The following TBC1D2B variants were observed in gnomAD, a reference collection of about 807,000 sequenced individuals.
TBC1D2B encodes TBC1 domain family member 2B, also known as TBC1 domain family, member 2B.
In TBC1D2B, 64 loss-of-function variants were observed where a neutral mutation model predicts 100.8. The ratio of observed to expected loss-of-function variants is 0.64; its 90% CI spans 0.52 to 0.78. TBC1D2B has a LOEUF of 0.78. Ranked by LOEUF, TBC1D2B falls within the 30% of genes least tolerant of loss-of-function variation. The probability of loss-of-function intolerance (pLI) is 0.00; values close to 1 mark genes in which losing one functional copy is unlikely to be tolerated. For synonymous variants in TBC1D2B, 480 were observed against 479.7 expected (o/e 1.00, Z -0.01); for missense variants, 1,052 against 1,218.4 (o/e 0.86, Z 2.03).
chr15:78,046,060 T>C (rs2073189366), intron 2 of TBC1D2B, among the ~76,000 whole-genome samples: 1 of 152,144 alleles, frequency 6.6e-6, no homozygotes, highest in African/African-American at 2.4e-5. Flanking sequence ...GCCTCCCAAG[T>C]AGCTGGGATT....
rs568990803 is a variant in TBC1D2B at position 77,996,310 on chromosome 15, T to C, written c.*1850A>G. 1.3e-5 allele frequency: 2 copies of C among 152,226 alleles called. No homozygotes were observed. The highest frequency in any genetic ancestry group is 6.5e-5 in the Admixed American group (1 of 15,306). The allele number at this position is 152,226 out of a possible 1,614,324, so 9.4% of individuals were successfully genotyped here. A position where few individuals can be genotyped will look rare whatever the true frequency, so the allele number is the denominator to read the frequency against. On this transcript the variant is annotated 3_prime_UTR_variant, in exon 13 of 13. Coordinates refer to ENST00000300584, the MANE Select transcript of TBC1D2B (RefSeq NM_144572.2). ...CAGGACATGGCAGTGTGTGCTGGCA[T>C]GTTCCAGGGGCCATTGGCTCGGAAA...
intron 3 of TBC1D2B, among the ~76,000 whole-genome samples, chr15:78,037,133 G>T (rs562319004): frequency 3.4e-4 from 52 of 152,180 alleles, no homozygotes; most frequent in African/African-American, 1.2e-3. Context: ...CAGCTCCACA[G>T]GTTCCCTACT....
At chr15:78,049,341 TAATA>T (rs1260053830) in intron 2 of TBC1D2B, among the ~76,000 whole-genome samples, 2 of 152,222 alleles carry the variant, frequency 1.3e-5, no homozygotes, top group Non-Finnish European at 2.9e-5. Context: ...AGGAGTGACT[TAATA>T]AATATTGGTT....
chr15:78,017,034 T>C, intron 7 of TBC1D2B: 1 of 269,062 alleles, frequency 3.7e-6, no homozygotes, highest in Non-Finnish European at 7.0e-6. Context: ...CCAGGCTACA[T>C]GCCAATTACT....
Position 78,012,894 on chromosome 15 carries a change from C to T in TBC1D2B, c.2199G>A (p.Gln733=). 2 of 1,528,398 alleles carry T rather than the reference C, an allele frequency of 1.3e-6. No homozygotes were observed. The highest frequency in any genetic ancestry group is 2.3e-5 in the East Asian group (1 of 44,130). The allele number at this position is 1,528,398 out of a possible 1,614,324, so 94.7% of individuals were successfully genotyped here. A position where few individuals can be genotyped will look rare whatever the true frequency, so the allele number is the denominator to read the frequency against. Residue 733 remains glutamine, a synonymous_variant, in exon 9 of 13, where the codon CAG becomes CAA. Coordinates refer to ENST00000300584, the MANE Select transcript of TBC1D2B (RefSeq NM_144572.2). Reference sequence around the variant, plus strand: ...AGGCGAGGAGGACATTGCGTAACTTCTGTATGCCTTCTGAGGTGGGGCAGG... The same window carrying T: ...AGGCGAGGAGGACATTGCGTAACTTTTGTATGCCTTCTGAGGTGGGGCAGG... ...HYSCPTSEGI[Q]KLRNVLLAFS... is the part of the protein sequence containing the mutation.
chr15:78,068,251 A>G (rs370222561), intron 1 of TBC1D2B, among the ~76,000 whole-genome samples: 3 of 152,310 alleles, frequency 2.0e-5, no homozygotes, highest in African/African-American at 7.2e-5. Flanking sequence ...AAATCAATGG[A>G]AAATTTTCAC....
At chr15:78,024,031 T>G in intron 6 of TBC1D2B, 125 bp downstream of exon 6, 1 of 1,241,730 alleles carries the variant, frequency 8.1e-7, no homozygotes, top group Non-Finnish European at 1.1e-6. Context: ...GTTACACTTG[T>G]GGGGAAAAAA....
At chr15:78,051,688 AT>A (rs1333761411) in intron 2 of TBC1D2B, among the ~76,000 whole-genome samples, 2 of 152,264 alleles carry the variant, frequency 1.3e-5, no homozygotes, top group African/African-American at 4.8e-5. Context: ...CAAATCAGTT[AT>A]AAAAACATTC....
chr15:78,053,423 G>A (rs1029768199), intron 2 of TBC1D2B, among the ~76,000 whole-genome samples: 1 of 152,114 alleles, frequency 6.6e-6, no homozygotes, highest in Non-Finnish European at 1.5e-5. Flanking sequence ...AAGAGTGGGG[G>A]CCAAAAAACA....
chr15:78,020,405 C>T (rs185938750), intron 6 of TBC1D2B, among the ~76,000 whole-genome samples: 13 of 152,312 alleles, frequency 8.5e-5, no homozygotes, highest in Middle Eastern at 3.4e-3. Flanking sequence ...ATTTATATTA[C>T]AGATACTTTC....
intron 6 of TBC1D2B, among the ~76,000 whole-genome samples, chr15:78,019,513 C>T (rs1272647213): frequency 1.3e-5 from 2 of 151,988 alleles, no homozygotes; most frequent in African/African-American, 4.8e-5. Flanking sequence ...ATGACAAGTA[C>T]TTGAAATGTT....
At chr15:78,072,614 G>A (rs773925907) in intron 1 of TBC1D2B, among the ~76,000 whole-genome samples, 2 of 152,218 alleles carry the variant, frequency 1.3e-5, no homozygotes, top group African/African-American at 4.8e-5. Flanking sequence ...ATTCAGTTAC[G>A]TGTGGCTCAG....
chr15:78,041,992 C>G (rs1306013879), intron 3 of TBC1D2B, among the ~76,000 whole-genome samples: 1 of 152,102 alleles, frequency 6.6e-6, no homozygotes, highest in Non-Finnish European at 1.5e-5. Context: ...AGTAACTTGC[C>G]CAAGTTATCC....
At chr15:78,062,603 T>G (rs1006774780) in intron 1 of TBC1D2B, among the ~76,000 whole-genome samples, 5 of 152,204 alleles carry the variant, frequency 3.3e-5, no homozygotes, top group Non-Finnish European at 5.9e-5. Flanking sequence ...CCATCAATAC[T>G]TTGGTATTTC....
intron 4 of TBC1D2B, among the ~76,000 whole-genome samples, chr15:78,026,755 A>C (rs2072679277): frequency 6.6e-6 from 1 of 151,898 alleles, no homozygotes; most frequent in Non-Finnish European, 1.5e-5. Flanking sequence ...GTCTCTACTA[A>C]ATATGCGTGG....
chr15:78,059,381 C>T (rs896028544), intron 1 of TBC1D2B, among the ~76,000 whole-genome samples: 1 of 152,204 alleles, frequency 6.6e-6, no homozygotes, highest in Non-Finnish European at 1.5e-5. Flanking sequence ...AATCCCAGGT[C>T]AAATATGGCA....
intron 5 of TBC1D2B, 85 bp downstream of exon 5, chr15:78,025,174 C>T: frequency 8.5e-7 from 1 of 1,179,986 alleles, no homozygotes; most frequent in Non-Finnish European, 1.2e-6. Flanking sequence ...CCCAGAAAGA[C>T]TCAGGGAAAC....
At chr15:78,001,896 T>C (rs2071925229) in intron 11 of TBC1D2B, 156 bp from the exon 12 acceptor site, 7 of 782,020 alleles carry the variant, frequency 9.0e-6, no homozygotes, top group Non-Finnish European at 1.1e-5. Flanking sequence ...GGGGCAATTT[T>C]CACTGGCTAG....
In TBC1D2B at chr15:78,016,653, T is replaced by C. The variant is rs2141669910; in HGVS notation, c.1668A>G (p.Glu556=). The C allele has an allele frequency of 6.2e-7, 1 of 1,612,166 alleles. No homozygotes were observed. Among genetic ancestry groups the C allele is most frequent in the Admixed American group, 1.7e-5 (1 of 59,594 alleles). Residue 556 remains glutamate, a synonymous_variant, in exon 8 of 13, where the codon GAA becomes GAG. Transcript: ENST00000300584. ...LQEMKTPVCS[E]DQGPTREVIA... ...TGACCTCCCGGGTGGGCCCCTGGTC[T>C]TCTGAGCACACTGGTGTCTTCATTT...
Sources: gnomAD v4.1 joint callset for allele counts (sites outside exome capture counted in the v4.1 genomes callset) on GRCh38, gnomAD v4.1.1 for gene constraint, MANE v1.5 for transcripts, NCBI Gene and HGNC (gene_info 2026-07-23, HGNC 2026-07-21) for gene names.